The following NPAS3 variants were observed in gnomAD, a reference collection of about 807,000 sequenced individuals.
The protein encoded by NPAS3 is neuronal PAS domain protein 3.
Under a neutral mutation model 73.1 loss-of-function variants are expected in NPAS3, and 14 were observed. That is an observed-to-expected ratio of 0.19 (90% CI 0.13 to 0.30). NPAS3 has a LOEUF of 0.30. Among genes scored for constraint, NPAS3 ranks in the 10% least tolerant of loss-of-function variants. The pLI is 1.00. For missense variants in NPAS3, 1,096 were observed against 1,250.0 expected, an observed-to-expected ratio of 0.88 and a Z score of 1.86; for synonymous variants, 620 against 541.5, an observed-to-expected ratio of 1.14 and a Z score of -2.01.
chr14:33,046,540 G>A (rs2040512269), intron 1 of NPAS3, among the ~76,000 whole-genome samples: 1 of 152,196 alleles, frequency 6.6e-6, no homozygotes, highest in South Asian at 2.1e-4. Context: ...TTGCCAAGAT[G>A]TAGGAGACAA....
chr14:33,454,124 T>C (rs1357957207), intron 4 of NPAS3, among the ~76,000 whole-genome samples: 1 of 152,224 alleles, frequency 6.6e-6, no homozygotes, highest in Non-Finnish European at 1.5e-5. Context: ...CCCTTTTTCA[T>C]TTGTTATTGC....
At chr14:33,425,311 C>G (rs376659533) in intron 4 of NPAS3, among the ~76,000 whole-genome samples, 1 of 151,952 alleles carries the variant, frequency 6.6e-6, no homozygotes, top group African/African-American at 2.4e-5. Context: ...AAATAGAGCT[C>G]TACCTAGAGG....
intron 3 of NPAS3, among the ~76,000 whole-genome samples, chr14:33,312,427 C>T (rs777784241): frequency 6.6e-6 from 1 of 151,664 alleles, no homozygotes; most frequent in Non-Finnish European, 1.5e-5. Context: ...GTGAAATATT[C>T]AGCTAGATAA....
intron 2 of NPAS3, among the ~76,000 whole-genome samples, chr14:33,074,745 T>A (rs778245397): frequency 6.6e-6 from 1 of 152,172 alleles, no homozygotes. Context: ...GCAGATCCCA[T>A]CGCTACATGG....
intron 1 of NPAS3, among the ~76,000 whole-genome samples, chr14:32,992,295 T>C (rs1483105390): frequency 1.3e-5 from 2 of 152,240 alleles, no homozygotes; most frequent in Admixed American, 6.5e-5. Flanking sequence ...TTTCTTTAGG[T>C]CATTAGGTAG....
At chr14:33,171,588 C>T (rs946139031) in intron 2 of NPAS3, among the ~76,000 whole-genome samples, 1 of 152,220 alleles carries the variant, frequency 6.6e-6, no homozygotes, top group South Asian at 2.1e-4. Context: ...GAGTTAGGGC[C>T]TTGCTCTGGA....
At chr14:33,338,460 G>A (rs1370346992) in intron 3 of NPAS3, among the ~76,000 whole-genome samples, 2 of 152,106 alleles carry the variant, frequency 1.3e-5, no homozygotes, top group African/African-American at 4.8e-5. Flanking sequence ...ATAACTTGCA[G>A]TTGATTACGG....
chr14:33,522,013 A>G (rs1456872295), intron 4 of NPAS3, among the ~76,000 whole-genome samples: 1 of 152,036 alleles, frequency 6.6e-6, no homozygotes, highest in African/African-American at 2.4e-5. Flanking sequence ...TGGACGGGTT[A>G]CTCTTGTAGA....
In NPAS3 at chr14:33,797,444, C is replaced by A; in HGVS notation, c.1302-13C>A. On this transcript the variant is annotated splice_polypyrimidine_tract_variant and intron_variant, in intron 10 of 11. Transcript: ENST00000356141. Reference sequence around the variant, plus strand: ...GGGTGTCTGCACTCCTGACCAGTGCCTCCCTTCCACAGCAATCCTGAGTAC... The same window carrying A: ...GGGTGTCTGCACTCCTGACCAGTGCATCCCTTCCACAGCAATCCTGAGTAC... 2 of 1,613,888 alleles carry A rather than the reference C, an allele frequency of 1.2e-6. No individual in the cohort carries two copies. The highest frequency in any genetic ancestry group is 2.2e-5 in the South Asian group (2 of 91,026).
At chr14:33,524,299 C>T (rs1444754184) in intron 4 of NPAS3, among the ~76,000 whole-genome samples, 1 of 152,150 alleles carries the variant, frequency 6.6e-6, no homozygotes, top group Non-Finnish European at 1.5e-5. Context: ...TCCTGCTATA[C>T]TATCGGATTT....
intron 1 of NPAS3, among the ~76,000 whole-genome samples, chr14:33,016,550 G>A (rs576469945): frequency 6.9e-6 from 1 of 145,958 alleles, no homozygotes; most frequent in East Asian, 2.1e-4. Context: ...AGTTTTCAGA[G>A]TACACATGTA....
intron 4 of NPAS3, among the ~76,000 whole-genome samples, chr14:33,384,991 G>A (rs916380821): frequency 2.0e-5 from 3 of 152,152 alleles, no homozygotes; most frequent in African/African-American, 7.2e-5. Flanking sequence ...GAGGTAGAAG[G>A]TTTTCGCTTT....
chr14:33,469,395 T>A (rs1309472633), intron 4 of NPAS3, among the ~76,000 whole-genome samples: 2 of 151,930 alleles, frequency 1.3e-5, no homozygotes, highest in Admixed American at 1.3e-4. Context: ...TTGTGGCAAC[T>A]CTATGAGGCA....
At chr14:33,415,198 A>G (rs2048097759) in intron 4 of NPAS3, among the ~76,000 whole-genome samples, 2 of 152,172 alleles carry the variant, frequency 1.3e-5, no homozygotes, top group African/African-American at 4.8e-5. Context: ...TGCAATTTTT[A>G]TTTATCCTAT....
In NPAS3 at chr14:33,800,131, G is replaced by A; in HGVS notation, c.1824G>A (p.Lys608=). 6.3e-7 allele frequency: 1 copy of A among 1,582,272 alleles called. No individual in the cohort carries two copies. Among genetic ancestry groups the A allele is most frequent in the Non-Finnish European group, 8.6e-7 (1 of 1,165,908 alleles). Residue 608 remains lysine (K), a synonymous_variant, in exon 12 of 12, where the codon AAG becomes AAA. Transcript: ENST00000356141. This position sits in a 1 kb window ranked among gnomAD's most constrained non-coding sequence, Gnocchi z 6.5. ...GCAAGAAAAGGCGGAAACGGCAAAAGGGCGGCAGCGCCAGCCGCCGGCGCC... is the reference window on the plus strand; with the variant it reads ...GCAAGAAAAGGCGGAAACGGCAAAAAGGCGGCAGCGCCAGCCGCCGGCGCC...
At chr14:33,224,970 T>TA (rs1006180106) in intron 3 of NPAS3, among the ~76,000 whole-genome samples, 22 of 152,122 alleles carry the variant, frequency 1.4e-4, no homozygotes, top group Admixed American at 5.2e-4. Flanking sequence ...AGTTTTATTT[T>TA]AAAAAAATCA....
chr14:33,498,611 T>G (rs947779656), intron 4 of NPAS3, among the ~76,000 whole-genome samples: 5 of 151,980 alleles, frequency 3.3e-5, no homozygotes, highest in Non-Finnish European at 7.4e-5. Context: ...AAACACCGCA[T>G]GTTCTCACTC....
chr14:33,417,678 T>C (rs1163671654), intron 4 of NPAS3, among the ~76,000 whole-genome samples: 1 of 151,960 alleles, frequency 6.6e-6, no homozygotes, highest in African/African-American at 2.4e-5. Flanking sequence ...TTGATACTAT[T>C]GTCATCTAAA....
chr14:33,335,228 A>G (rs1469898515), intron 3 of NPAS3, among the ~76,000 whole-genome samples: 1 of 152,060 alleles, frequency 6.6e-6, no homozygotes, highest in East Asian at 1.9e-4. Flanking sequence ...GAAGTGGGAG[A>G]GTCCTTAAAG....
Sources: allele counts gnomAD v4.1 joint callset (sites outside exome capture counted in the v4.1 genomes callset), GRCh38; gene constraint gnomAD v4.1.1; non-coding constraint Gnocchi (gnomAD v3.1); transcripts MANE v1.5; gene names NCBI Gene and HGNC (gene_info 2026-07-23, HGNC 2026-07-21).